Variants in AGPAT3 observed in about 807,000 individuals in gnomAD.
The protein encoded by AGPAT3 is 1-acylglycerol-3-phosphate O-acyltransferase 3, also known as 1-acyl-sn-glycerol-3-phosphate acyltransferase gamma.
AGPAT3 carries 5 observed loss-of-function variants against 47.3 expected under a neutral mutation model. The observed-to-expected ratio is 0.11, with a 90% confidence interval of 0.06 to 0.22. AGPAT3 has a LOEUF of 0.22. Among genes scored for constraint, AGPAT3 ranks in the 10% least tolerant of loss-of-function variants. The probability of loss-of-function intolerance (pLI) is 1.00; values close to 1 mark genes in which losing one functional copy is unlikely to be tolerated. For synonymous variants in AGPAT3, 212 were observed against 208.3 expected (o/e 1.02, Z -0.15); for missense variants, 315 against 493.0 (o/e 0.64, Z 3.42).
At chr21:43,929,687 T>C (rs866228945) in intron 2 of AGPAT3, among the ~76,000 whole-genome samples, 1 of 152,204 alleles carries the variant, frequency 6.6e-6, no homozygotes, top group African/African-American at 2.4e-5. Context: ...GCTTGGCCTG[T>C]GGATGCTGCT....
chr21:43,891,616 G>A (rs948744263), intron 1 of AGPAT3, among the ~76,000 whole-genome samples: 1 of 150,690 alleles, frequency 6.6e-6, no homozygotes, highest in Admixed American at 6.6e-5. Flanking sequence ...CTGGGTGACA[G>A]AGCGAGACTC....
rs1230557571 is a variant in AGPAT3, at chr21:43,933,139, T to A, written c.-48-26495T>A. 6.6e-6 allele frequency among the ~76,000 whole-genome samples: 1 copy of A among 152,226 alleles called. No individual in the cohort carries two copies. The highest frequency in any genetic ancestry group is 1.5e-5 in the Non-Finnish European group (1 of 68,044). On this transcript the variant is annotated intron_variant, in intron 2 of 9. Transcript: ENST00000291572. This position sits in a 1 kb window ranked among gnomAD's most constrained non-coding sequence, Gnocchi z 6.0. ...AAATGACACCTCCCTGTGGCTTCGA[T>A]TTGCTTCTCCCTGATGGTTAATAAT...
At chr21:43,875,989 A>G (rs1343548356) in intron 1 of AGPAT3, among the ~76,000 whole-genome samples, 2 of 151,404 alleles carry the variant, frequency 1.3e-5, no homozygotes, top group Non-Finnish European at 1.5e-5. Flanking sequence ...GGGTCTTGCT[A>G]TGTTGCCAGG....
intron 7 of AGPAT3, among the ~76,000 whole-genome samples, chr21:43,972,416 G>C (rs2089435681): frequency 6.6e-6 from 1 of 152,190 alleles, no homozygotes; most frequent in Non-Finnish European, 1.5e-5. Context: ...AAAGTGCTGG[G>C]ATTACAGGTG....
At position 43,952,286 on chromosome 21, in the gene AGPAT3, A is replaced by G. The variant is rs2088234705; in HGVS notation, c.-48-7348A>G. On this transcript the variant is annotated intron_variant, in intron 2 of 9. Coordinates refer to ENST00000291572, the MANE Select transcript of AGPAT3 (RefSeq NM_020132.5). This position sits in a 1 kb window ranked among gnomAD's most constrained non-coding sequence, Gnocchi z 5.6. ...CAGGCGGTCTCCCTTTTTCATAAGG[A>G]CACCGGTCAGATGGAATCAGCGCCC... Among the ~76,000 whole-genome samples, 1 of 152,048 alleles carries G rather than the reference A, an allele frequency of 6.6e-6. No individual in the cohort carries two copies. Among genetic ancestry groups the G allele is most frequent in the Non-Finnish European group, 1.5e-5 (1 of 68,004 alleles).
chr21:43,938,860 C>T (rs538584220), intron 2 of AGPAT3, among the ~76,000 whole-genome samples: 14 of 152,264 alleles, frequency 9.2e-5, no homozygotes, highest in South Asian at 2.1e-4. Context: ...ATGTGTTGGC[C>T]GGGGATGCAG....
intron 1 of AGPAT3, among the ~76,000 whole-genome samples, chr21:43,882,255 A>G (rs1244347636): frequency 6.6e-6 from 1 of 152,272 alleles, no homozygotes; most frequent in Non-Finnish European, 1.5e-5. Flanking sequence ...AGGGTCTGGC[A>G]AATGTGTTAT....
intron 1 of AGPAT3, among the ~76,000 whole-genome samples, chr21:43,883,411 C>T (rs1831071370): frequency 6.6e-6 from 1 of 152,220 alleles, no homozygotes; most frequent in South Asian, 2.1e-4. Flanking sequence ...GTAGGAGCCC[C>T]TTGCATAAAT....
rs1045974577 is a variant in AGPAT3, at chr21:43,881,594, C to T, written c.-112+16249C>T. ...GAATGTAAGTGATCTCATTCATATT[C>T]TTCTATATTGGTTACACGTAGAAAT... is the stretch of plus-strand genomic sequence containing the variant. On this transcript the variant is annotated intron_variant, in intron 1 of 9. Transcript: ENST00000291572. Among the ~76,000 whole-genome samples, 16 of 152,140 alleles carry T rather than the reference C, an allele frequency of 1.1e-4. 1 individual carries two copies. The highest frequency in any genetic ancestry group is 6.5e-4 in the Admixed American group (10 of 15,280).
intron 1 of AGPAT3, among the ~76,000 whole-genome samples, chr21:43,888,638 T>G (rs933683116): frequency 1.3e-5 from 2 of 152,138 alleles, no homozygotes; most frequent in Admixed American, 6.5e-5. Context: ...AGGTAGAAAA[T>G]GAATTATTTA....
At chr21:43,927,239 A>G (rs2087086533) in intron 2 of AGPAT3, among the ~76,000 whole-genome samples, 1 of 152,196 alleles carries the variant, frequency 6.6e-6, no homozygotes, top group African/African-American at 2.4e-5. Flanking sequence ...AAATATCATT[A>G]ATTTACAAAA....
At chr21:43,949,345 T>C (rs528380654) in intron 2 of AGPAT3, among the ~76,000 whole-genome samples, 11 of 152,308 alleles carry the variant, frequency 7.2e-5, no homozygotes, top group African/African-American at 2.2e-4. Context: ...CCTGGGGTCA[T>C]TGGAGTGGCT....
intron 2 of AGPAT3, among the ~76,000 whole-genome samples, chr21:43,913,322 G>A (rs918895814): frequency 6.6e-6 from 1 of 152,210 alleles, no homozygotes; most frequent in South Asian, 2.1e-4. Flanking sequence ...TGAGGGCCTG[G>A]TGTGGTGGCT....
At chr21:43,975,354 G>T (rs1378452370) in intron 7 of AGPAT3, among the ~76,000 whole-genome samples, 5 of 150,458 alleles carry the variant, frequency 3.3e-5, no homozygotes, top group African/African-American at 1.2e-4. Flanking sequence ...GGTGTGTGCT[G>T]GCATGTGTGT....
chr21:43,980,048 C>T (rs1386774596), intron 8 of AGPAT3, among the ~76,000 whole-genome samples: 2 of 151,918 alleles, frequency 1.3e-5, no homozygotes, highest in Admixed American at 6.6e-5. Context: ...TTTGGGAGGC[C>T]GAAGTGGGTG....
rs762583288 is a variant in AGPAT3, at chr21:43,982,257, G to T, written c.1043-47G>T. On this transcript the variant is annotated intron_variant, in intron 9 of 9. Transcript: ENST00000291572. The surrounding 1 kb of genome is among the most constrained non-coding windows in gnomAD (Gnocchi z 6.2). ...CAGTAACACGTTTTACAGCAAAAAG[G>T]CAAAGTCATCCGTCTCACCTCTTCT... 13 of 1,493,244 alleles carry T rather than the reference G, an allele frequency of 8.7e-6. No individual in the cohort carries two copies. The highest frequency in any genetic ancestry group is 6.9e-5 in the South Asian group (6 of 87,094). 92.5% of individuals were successfully genotyped at this position (1,493,244 alleles called of 1,614,324 possible). A position where few individuals can be genotyped will look rare whatever the true frequency, so the allele number is the denominator to read the frequency against.
chr21:43,883,011 A>C (rs2085888603), intron 1 of AGPAT3, among the ~76,000 whole-genome samples: 1 of 152,370 alleles, frequency 6.6e-6, no homozygotes, highest in Admixed American at 6.5e-5. Context: ...GGCAGGAGAG[A>C]GCAAGCTTTC....
chr21:43,969,372 C>G, intron 5 of AGPAT3, 93 bp downstream of exon 5: 1 of 1,503,866 alleles, frequency 6.6e-7, no homozygotes, highest in Non-Finnish European at 9.1e-7. Context: ...GCTGGGAAAC[C>G]CCATGAGAGC....
rs941779166 is a variant in AGPAT3 at position 43,984,732 on chromosome 21, A to G, written c.*2340A>G. The G allele has an allele frequency of 1.2e-4, 19 of 157,732 alleles. No individual in the cohort carries two copies. Among genetic ancestry groups the G allele is most frequent in the Non-Finnish European group, 2.6e-4 (18 of 70,502 alleles). 9.8% of individuals were successfully genotyped at this position (157,732 alleles called of 1,614,324 possible). A position where few individuals can be genotyped will look rare whatever the true frequency, so the allele number is the denominator to read the frequency against. ...TGGATTTTGCTTTTCATCCAGAAGG[A>G]AAAGGGGAGGAGAGCTCCTTTACAT... On this transcript the variant is annotated 3_prime_UTR_variant, in exon 10 of 10. Transcript: ENST00000291572.
Sources: allele counts gnomAD v4.1 joint callset (sites outside exome capture counted in the v4.1 genomes callset), GRCh38; gene constraint gnomAD v4.1.1; non-coding constraint Gnocchi (gnomAD v3.1); transcripts MANE v1.5; gene names NCBI Gene and HGNC (gene_info 2026-07-23, HGNC 2026-07-21).